The following RAPGEF5 variants were observed in gnomAD, a reference collection of about 807,000 sequenced individuals.
RAPGEF5 encodes M-Ras-regulated GEF.
A neutral mutation model predicts 125.2 loss-of-function variants in RAPGEF5; 65 were observed. The ratio of observed to expected loss-of-function variants is 0.52; its 90% confidence interval spans 0.43 to 0.64. The LOEUF (loss-of-function observed/expected upper bound fraction) is 0.64. Ranked by LOEUF, RAPGEF5 falls within the 30% of genes least tolerant of loss-of-function variation. The pLI is 0.00. For missense variants in RAPGEF5, 958 were observed against 1,048.1 expected, an observed-to-expected ratio of 0.91 and a Z score of 1.19; for synonymous variants, 391 against 385.9, an observed-to-expected ratio of 1.01 and a Z score of -0.16.
chr7:22,222,659 T>A (rs1785820875), intron 8 of RAPGEF5, among the ~76,000 whole-genome samples: 1 of 152,194 alleles, frequency 6.6e-6, no homozygotes, highest in South Asian at 2.1e-4. Context: ...ATAGGCTGTA[T>A]AAGGAGTTTG....
At chr7:22,199,973 C>A (rs1785240649) in intron 9 of RAPGEF5, among the ~76,000 whole-genome samples, 1 of 152,226 alleles carries the variant, frequency 6.6e-6, no homozygotes, top group Non-Finnish European at 1.5e-5. Context: ...TGCTCTGCAC[C>A]CTTTCCAACA....
At chr7:22,209,718 A>C (rs965275020) in intron 9 of RAPGEF5, among the ~76,000 whole-genome samples, 2 of 152,178 alleles carry the variant, frequency 1.3e-5, no homozygotes, top group African/African-American at 4.8e-5. Context: ...GAGTAGTTCT[A>C]AAGAAGTGTT....
intron 7 of RAPGEF5, among the ~76,000 whole-genome samples, chr7:22,252,401 T>A (rs1163635924): frequency 6.6e-6 from 1 of 151,936 alleles, no homozygotes; most frequent in Non-Finnish European, 1.5e-5. Context: ...GCCCCAAGTA[T>A]TTTTGAAAAC....
Position 22,145,091 on chromosome 7 carries a change from C to T in RAPGEF5, c.2139G>A (p.Leu713=), listed in dbSNP as rs767451978. 1.5e-5 allele frequency: 25 copies of T among 1,613,676 alleles called. 1 individual carries two copies. In the South Asian group the frequency reaches 2.5e-4, roughly 16 times the overall value. ...TTTTCACCAGCTGCACTCGCTTGCC[C>T]AGCTGGCTGCAGAGCAGAATCTCCG... The part of the protein sequence containing the change: ...VATEILLCSQ[L]GKRVQLVKKF... The change falls in exon 20 of 26, where the codon CTG becomes CTA. Residue 713 remains leucine, a synonymous_variant. Transcript: ENST00000665637.
intron 5 of RAPGEF5, among the ~76,000 whole-genome samples, chr7:22,300,401 T>G (rs1048049040): frequency 4.6e-5 from 7 of 152,224 alleles, no homozygotes; most frequent in Non-Finnish European, 1.0e-4. Context: ...TGTTATCAAG[T>G]CTTTAATAAT....
intron 7 of RAPGEF5, among the ~76,000 whole-genome samples, chr7:22,235,805 A>G (rs1178109987): frequency 6.6e-6 from 1 of 152,216 alleles, no homozygotes; most frequent in African/African-American, 2.4e-5. Context: ...GCACAGAAAC[A>G]AGCCTGCAGT....
At position 22,239,227 on chromosome 7, in the gene RAPGEF5, G is replaced by A. The variant is rs571931216; in HGVS notation, c.797-8308C>T. Among the ~76,000 whole-genome samples the A allele has an allele frequency of 2.8e-4, 43 of 152,248 alleles. No homozygotes were observed. The East Asian group carries it at 3.3e-3, about 12-fold the overall frequency. On this transcript the variant is annotated intron_variant, in intron 7 of 25. Transcript: ENST00000665637. ...CACTGGCAGCAATGTCATTAAGGCC[G>A]TAATGACTTACACAATTTTAAGTGT...
chr7:22,339,391 A>G (rs995864801), intron 1 of RAPGEF5, among the ~76,000 whole-genome samples: 34 of 152,232 alleles, frequency 2.2e-4, no homozygotes, highest in Non-Finnish European at 4.3e-4. Flanking sequence ...TGCCACATAG[A>G]AGACAGCTCC....
At chr7:22,225,217 A>G (rs1583496059) in intron 8 of RAPGEF5, among the ~76,000 whole-genome samples, 4 of 152,340 alleles carry the variant, frequency 2.6e-5, no homozygotes. Context: ...TCAGGAGGAA[A>G]CATTTTCATT....
intron 11 of RAPGEF5, among the ~76,000 whole-genome samples, chr7:22,182,850 T>C (rs1409084054): frequency 2.6e-5 from 4 of 152,252 alleles, no homozygotes; most frequent in Non-Finnish European, 5.9e-5. Flanking sequence ...ACAAGTTATA[T>C]TGAGGATTTA....
At chr7:22,196,250 G>C (rs1179283579) in intron 9 of RAPGEF5, among the ~76,000 whole-genome samples, 1 of 152,170 alleles carries the variant, frequency 6.6e-6, no homozygotes, top group Non-Finnish European at 1.5e-5. Flanking sequence ...AGAAGGAAAG[G>C]TAAATTAATG....
At chr7:22,254,282 AAGCTGGGACTTT>A in intron 7 of RAPGEF5, among the ~76,000 whole-genome samples, 1 of 152,056 alleles carries the variant, frequency 6.6e-6, no homozygotes, top group East Asian at 1.9e-4. Context: ...TAGATCTGGA[AAGCTGGGACTTT>A]AGACAAAGGG....
chr7:22,154,488 C>A lies in RAPGEF5; in HGVS notation c.1753G>T (p.Asp585Tyr), dbSNP rs189807822. 4.1e-4 allele frequency: 666 copies of A among 1,613,826 alleles called. 3 individuals are homozygous for A. The African/African-American group carries it at 7.5e-3, about 18-fold the overall frequency. ...AATGTGATGGCCACCAGAGCCAGAT[C>A]CTCTTCTGCATACTGGATCTTTTCT... ...VAEKIQYAEE[D>Y]LALVAITFSG... is the part of the protein sequence containing the mutation. Residue 585 changes from aspartate (D) to tyrosine (Y), a missense_variant, in exon 17 of 26, where the codon GAT becomes TAT. Transcript: ENST00000665637.
chr7:22,347,840 A>C (rs1391370784), intron 1 of RAPGEF5, among the ~76,000 whole-genome samples: 1 of 152,224 alleles, frequency 6.6e-6, no homozygotes. Context: ...GATAAATGTT[A>C]TATTAGGATT....
At chr7:22,353,986 G>A (rs1001077954) in intron 1 of RAPGEF5, among the ~76,000 whole-genome samples, 10 of 152,090 alleles carry the variant, frequency 6.6e-5, no homozygotes, top group African/African-American at 2.2e-4. Flanking sequence ...TGGGAGGACC[G>A]CTTGAGCCAG....
At chr7:22,153,791 AC>A (rs1238420992) in intron 17 of RAPGEF5, among the ~76,000 whole-genome samples, 1 of 152,144 alleles carries the variant, frequency 6.6e-6, no homozygotes, top group East Asian at 1.9e-4. Flanking sequence ...AAGATTGCAA[AC>A]CAAAAAAGGA....
chr7:22,169,956 A>G (rs1294729003), intron 11 of RAPGEF5, among the ~76,000 whole-genome samples: 2 of 146,880 alleles, frequency 1.4e-5, no homozygotes, highest in Admixed American at 6.9e-5. Context: ...GTTGCAAGTG[A>G]GCCAAGATTA....
At chr7:22,166,118 G>C (rs1414802110) in intron 12 of RAPGEF5, among the ~76,000 whole-genome samples, 3 of 146,352 alleles carry the variant, frequency 2.0e-5, no homozygotes, top group Non-Finnish European at 4.5e-5. Flanking sequence ...TTTAGAGATG[G>C]GGTCTCACTA....
chr7:22,231,414 C>G (rs1483889268), intron 7 of RAPGEF5, among the ~76,000 whole-genome samples: 1 of 152,152 alleles, frequency 6.6e-6, no homozygotes, highest in African/African-American at 2.4e-5. Flanking sequence ...TTCCCAGCAT[C>G]TCCCTATCCA....
Sources: allele counts gnomAD v4.1 joint callset (sites outside exome capture counted in the v4.1 genomes callset), GRCh38; gene constraint gnomAD v4.1.1; transcripts MANE v1.5; gene names NCBI Gene and HGNC (gene_info 2026-07-23, HGNC 2026-07-21).